FYN: variants seen among roughly 807,000 people sequenced by gnomAD.
FYN encodes the protein tyrosine-protein kinase Fyn.
In FYN, 10 loss-of-function variants were observed where a neutral mutation model predicts 70.2. The ratio of observed to expected loss-of-function variants is 0.14; its 90% CI spans 0.09 to 0.24. The LOEUF is 0.24. Among genes scored for constraint, FYN ranks in the 10% least tolerant of loss-of-function variants. The probability of loss-of-function intolerance (pLI) is 1.00; values close to 1 mark genes in which losing one functional copy is unlikely to be tolerated. For missense variants in FYN, 319 were observed against 673.1 expected (o/e 0.47, Z 5.82); for synonymous variants, 236 against 248.6 (o/e 0.95, Z 0.48).
At chr6:111,796,601 T>C (rs986433528) in intron 2 of FYN, among the ~76,000 whole-genome samples, 2 of 152,162 alleles carry the variant, frequency 1.3e-5, no homozygotes, top group African/African-American at 4.8e-5. Context: ...TGGTCTCCAA[T>C]TGAAGAAAAA....
intron 9 of FYN, among the ~76,000 whole-genome samples, chr6:111,698,176 A>AGTGCAATG (rs60179837): frequency 6.6e-6 from 1 of 151,540 alleles, no homozygotes; most frequent in African/African-American, 2.4e-5. Flanking sequence ...CCCAGGCTGG[A>AGTGCAATG]GTGCAATGGT....
At chr6:111,864,555 T>C (rs1370103516) in intron 1 of FYN, among the ~76,000 whole-genome samples, 1 of 124,558 alleles carries the variant, frequency 8.0e-6, no homozygotes, top group African/African-American at 5.1e-5. Context: ...AATCAGGCTA[T>C]GATGAGGATG....
chr6:111,739,539 ATTAT>A (rs1801859183), intron 3 of FYN, among the ~76,000 whole-genome samples: 1 of 152,164 alleles, frequency 6.6e-6, no homozygotes. Context: ...TGGGCAGTTC[ATTAT>A]TTGAGTGGCA....
At chr6:111,736,708 T>A (rs1583385254) in intron 3 of FYN, among the ~76,000 whole-genome samples, 1 of 152,212 alleles carries the variant, frequency 6.6e-6, no homozygotes, top group Non-Finnish European at 1.5e-5. Context: ...AAAATGGTCC[T>A]GTGTACAACC....
chr6:111,734,866 G>A (rs1801638216), intron 3 of FYN, among the ~76,000 whole-genome samples: 1 of 152,248 alleles, frequency 6.6e-6, no homozygotes, highest in East Asian at 1.9e-4. Flanking sequence ...CCCTTTATGT[G>A]ACAGGCACTG....
intron 3 of FYN, among the ~76,000 whole-genome samples, chr6:111,732,755 C>T (rs1402874058): frequency 2.0e-5 from 3 of 152,192 alleles, no homozygotes; most frequent in Non-Finnish European, 4.4e-5. Context: ...TTCCTGCTTC[C>T]TGTGGGCTGG....
At chr6:111,827,946 T>C (rs1258079355) in intron 2 of FYN, among the ~76,000 whole-genome samples, 1 of 152,180 alleles carries the variant, frequency 6.6e-6, no homozygotes, top group Non-Finnish European at 1.5e-5. Flanking sequence ...CTTACTCTCT[T>C]GGCCAGTAAA....
Position 111,812,422 on chromosome 6 carries a change from T to C in FYN, c.-81-31787A>G, listed in dbSNP as rs1583464545. Among the ~76,000 whole-genome samples the C allele has an allele frequency of 2.0e-5, 3 of 152,270 alleles. No homozygotes were observed. In the East Asian group the frequency reaches 5.8e-4, roughly 29 times the overall value. ...ATGCCTTCGTCTACTCTACTGGCTG[T>C]AAATAACCCATGTTCTTGTCTGTAC... On this transcript the variant is annotated intron_variant, in intron 2 of 13. Transcript: ENST00000354650.
At chr6:111,834,317 G>C (rs548496567) in intron 2 of FYN, among the ~76,000 whole-genome samples, 1 of 152,202 alleles carries the variant, frequency 6.6e-6, no homozygotes, top group East Asian at 1.9e-4. Context: ...GTGTGAGTGA[G>C]TGTGGATACA....
At chr6:111,763,075 A>G (rs536090372) in intron 3 of FYN, among the ~76,000 whole-genome samples, 1 of 152,324 alleles carries the variant, frequency 6.6e-6, no homozygotes, top group East Asian at 1.9e-4. Context: ...GCAAAGCTTA[A>G]TTCTTTGAAC....
intron 13 of FYN, among the ~76,000 whole-genome samples, chr6:111,673,622 G>GTTTTTTTTCTTTTTTTTTTTTTTT (rs1798399746): frequency 8.6e-6 from 1 of 116,558 alleles, no homozygotes. Context: ...TTCTATCATT[G>GTTTTTTTTCTTTTTTTTTTTTTTT]TTTTTTTTTT....
intron 1 of FYN, among the ~76,000 whole-genome samples, chr6:111,852,262 T>C (rs768993755): frequency 6.6e-6 from 1 of 152,172 alleles, no homozygotes; most frequent in Non-Finnish European, 1.5e-5. Context: ...TGATGTGGTG[T>C]GGAATTATTC....
chr6:111,797,695 T>TATATATATATAC (rs1771854936), intron 2 of FYN, among the ~76,000 whole-genome samples: 1 of 82,942 alleles, frequency 1.2e-5, no homozygotes, highest in Non-Finnish European at 2.1e-5. Context: ...TATATATATA[T>TATATATATATAC]ATATATATAT....
At chr6:111,789,627 A>G (rs149540331) in intron 2 of FYN, among the ~76,000 whole-genome samples, 90 of 152,300 alleles carry the variant, frequency 5.9e-4, no homozygotes, top group African/African-American at 2.1e-3. Flanking sequence ...AGTTATAATA[A>G]TCATGTCTTT....
chr6:111,673,272 G>A, intron 13 of FYN, among the ~76,000 whole-genome samples: 1 of 152,108 alleles, frequency 6.6e-6, no homozygotes, highest in East Asian at 1.9e-4. Flanking sequence ...CTGCCCGTGT[G>A]TGCATGCCGG....
At chr6:111,765,261 T>C (rs910851872) in intron 3 of FYN, among the ~76,000 whole-genome samples, 4 of 151,980 alleles carry the variant, frequency 2.6e-5, no homozygotes, top group African/African-American at 4.8e-5. Context: ...TAACCCCCAA[T>C]GTAACTGTAT....
chr6:111,696,661 G>T, intron 9 of FYN: 1 of 450,176 alleles, frequency 2.2e-6, no homozygotes, highest in Non-Finnish European at 3.9e-6. Flanking sequence ...GGCTAAGATG[G>T]CTATATTAAG....
intron 12 of FYN, among the ~76,000 whole-genome samples, chr6:111,681,831 T>C (rs1052709353): frequency 4.0e-5 from 6 of 151,776 alleles, no homozygotes; most frequent in East Asian, 3.9e-4. Context: ...GTTCTACAGA[T>C]GAGAAAACGG....
intron 12 of FYN, among the ~76,000 whole-genome samples, chr6:111,689,772 G>C (rs1363466606): frequency 6.6e-6 from 1 of 152,116 alleles, no homozygotes; most frequent in Admixed American, 6.5e-5. Context: ...TTGTGGGGGT[G>C]GTTACTGACT....
Sources: gnomAD v4.1 joint callset for allele counts (sites outside exome capture counted in the v4.1 genomes callset) on GRCh38, gnomAD v4.1.1 for gene constraint, MANE v1.5 for transcripts, NCBI Gene and HGNC (gene_info 2026-07-23, HGNC 2026-07-21) for gene names.